GRM3: variants seen among roughly 807,000 people sequenced by gnomAD.
GRM3 encodes metabotropic glutamate receptor 3.
Under a neutral mutation model 70.5 loss-of-function variants are expected in GRM3, and 26 were observed. The ratio of observed to expected loss-of-function variants is 0.37; its 90% CI spans 0.27 to 0.51. GRM3 has a LOEUF of 0.51. Among genes scored for constraint, GRM3 ranks in the 20% least tolerant of loss-of-function variants. The probability of loss-of-function intolerance (pLI) is 0.93; values close to 1 mark genes in which losing one functional copy is unlikely to be tolerated. For missense variants in GRM3, 859 were observed against 1,123.8 expected (o/e 0.76, Z 3.37); for synonymous variants, 443 against 434.9 (o/e 1.02, Z -0.23).
intron 4 of GRM3, among the ~76,000 whole-genome samples, chr7:86,845,327 A>G (rs540883568): frequency 1.3e-5 from 2 of 152,300 alleles, no homozygotes; most frequent in African/African-American, 4.8e-5. Flanking sequence ...TATTGATCCT[A>G]TCCTTATTTA....
At chr7:86,772,223 T>G (rs941509869) in intron 2 of GRM3, among the ~76,000 whole-genome samples, 1 of 152,120 alleles carries the variant, frequency 6.6e-6, no homozygotes, top group South Asian at 2.1e-4. Context: ...TGATTACCTA[T>G]GTACAGTTGA....
At chr7:86,815,630 CTG>C (rs1362831353) in intron 3 of GRM3, among the ~76,000 whole-genome samples, 3 of 151,854 alleles carry the variant, frequency 2.0e-5, no homozygotes, top group Non-Finnish European at 4.4e-5. Flanking sequence ...TAGTCACAGG[CTG>C]TGTTTTACTA....
chr7:86,762,111 C>T (rs886669168), intron 1 of GRM3, among the ~76,000 whole-genome samples: 1 of 152,102 alleles, frequency 6.6e-6, no homozygotes, highest in Non-Finnish European at 1.5e-5. Context: ...ATAATGATCG[C>T]AGTGTCTTTT....
intron 1 of GRM3, among the ~76,000 whole-genome samples, chr7:86,693,260 A>G (rs1170226963): frequency 6.6e-6 from 1 of 152,158 alleles, no homozygotes; most frequent in Non-Finnish European, 1.5e-5. Flanking sequence ...AAATAAGGAG[A>G]CCATTTCTTC....
intron 1 of GRM3, among the ~76,000 whole-genome samples, chr7:86,714,151 T>C (rs1330122155): frequency 6.6e-6 from 1 of 152,040 alleles, no homozygotes; most frequent in African/African-American, 2.4e-5. Flanking sequence ...CATGCTCTCC[T>C]AGCTTTCTCC....
intron 1 of GRM3, among the ~76,000 whole-genome samples, chr7:86,698,594 C>T (rs1056315445): frequency 2.0e-5 from 3 of 148,360 alleles, no homozygotes; most frequent in Admixed American, 6.8e-5. Context: ...CACACACACA[C>T]ATATATATAA....
Position 86,720,634 on chromosome 7 carries a change from T to C in GRM3, c.-140-44372T>C, listed in dbSNP as rs143186488. 2.0e-5 allele frequency among the ~76,000 whole-genome samples: 3 copies of C among 152,238 alleles called. No individual in the cohort carries two copies. In the East Asian group the frequency reaches 5.8e-4, roughly 29 times the overall value. Reference sequence around the variant, plus strand: ...GAATTCATCTACCCTATACCCTTACTACTTATCCCCTTCTCAATTTTCATT... The same window carrying C: ...GAATTCATCTACCCTATACCCTTACCACTTATCCCCTTCTCAATTTTCATT... On this transcript the variant is annotated intron_variant, in intron 1 of 5. Coordinates refer to ENST00000361669, the MANE Select transcript of GRM3 (RefSeq NM_000840.3).
At chr7:86,743,372 C>A (rs1796031055) in intron 1 of GRM3, among the ~76,000 whole-genome samples, 1 of 152,012 alleles carries the variant, frequency 6.6e-6, no homozygotes, top group Non-Finnish European at 1.5e-5. Context: ...CTAAACAGCA[C>A]AATAAACATA....
chr7:86,767,356 T>C (rs1376287346), intron 2 of GRM3, among the ~76,000 whole-genome samples: 4 of 151,688 alleles, frequency 2.6e-5, no homozygotes. Context: ...GTAATTAGGA[T>C]AACTGGTTTT....
intron 3 of GRM3, among the ~76,000 whole-genome samples, chr7:86,797,179 C>T (rs915988756): frequency 6.6e-6 from 1 of 152,172 alleles, no homozygotes; most frequent in East Asian, 1.9e-4. Flanking sequence ...AATGTGGAAG[C>T]GACTTTGGAA....
intron 1 of GRM3, among the ~76,000 whole-genome samples, chr7:86,702,643 C>G (rs1053902285): frequency 6.6e-6 from 1 of 151,788 alleles, no homozygotes; most frequent in Non-Finnish European, 1.5e-5. Context: ...AAAATTTTAC[C>G]TTCTTTACAC....
chr7:86,657,807 CAT>C (rs146976279), intron 1 of GRM3, among the ~76,000 whole-genome samples: 3,711 of 152,198 alleles, frequency 0.024, 155 homozygotes, highest in African/African-American at 0.084. Context: ...ATCTAAAAGA[CAT>C]AAAGATGAAT....
intron 3 of GRM3, among the ~76,000 whole-genome samples, chr7:86,816,762 C>T (rs1798024801): frequency 6.6e-6 from 1 of 151,922 alleles, no homozygotes; most frequent in Admixed American, 6.6e-5. Flanking sequence ...CATATGCTTG[C>T]ATGTGCCTTT....
At chr7:86,773,047 A>G (rs1475121659) in intron 2 of GRM3, among the ~76,000 whole-genome samples, 1 of 151,878 alleles carries the variant, frequency 6.6e-6, no homozygotes, top group East Asian at 1.9e-4. Context: ...GGTTTGTTAC[A>G]TAGGTATATT....
intron 5 of GRM3, among the ~76,000 whole-genome samples, chr7:86,859,147 G>C (rs2115607046): frequency 6.6e-6 from 1 of 152,150 alleles, no homozygotes; most frequent in African/African-American, 2.4e-5. Context: ...TTTTAGAGAT[G>C]GGGTCTTGCT....
chr7:86,692,908 CATTTT>C (rs934981428), intron 1 of GRM3, among the ~76,000 whole-genome samples: 70 of 152,162 alleles, frequency 4.6e-4, no homozygotes, highest in African/African-American at 1.6e-3. Flanking sequence ...CATGAAAAGA[CATTTT>C]ATTTTGGAGA....
At position 86,813,020 on chromosome 7, in the gene GRM3, G is replaced by T. The variant is rs566359581; in HGVS notation, c.1325-25819G>T. On this transcript the variant is annotated intron_variant, in intron 3 of 5. Coordinates refer to ENST00000361669, the MANE Select transcript of GRM3 (RefSeq NM_000840.3). ...CTTTAGAGATATAATATGATTGAGA[G>T]AATGATGTCTAGTCACAGTGCCCCT... 3.1e-4 allele frequency among the ~76,000 whole-genome samples: 47 copies of T among 151,784 alleles called. 1 individual carries two copies. Among genetic ancestry groups the T allele is most frequent in the Admixed American group, 5.9e-4 (9 of 15,208 alleles).
chr7:86,831,400 A>G (rs1798349357), intron 3 of GRM3, among the ~76,000 whole-genome samples: 1 of 152,186 alleles, frequency 6.6e-6, no homozygotes, highest in African/African-American at 2.4e-5. Context: ...TACACTGTGT[A>G]ATGAAGAGGG....
At chr7:86,774,383 C>T (rs1260653010) in intron 2 of GRM3, among the ~76,000 whole-genome samples, 1 of 152,046 alleles carries the variant, frequency 6.6e-6, no homozygotes, top group East Asian at 1.9e-4. Context: ...AAACTCCAAA[C>T]AAACGATCCT....
Sources: allele counts gnomAD v4.1 joint callset (sites outside exome capture counted in the v4.1 genomes callset), GRCh38; gene constraint gnomAD v4.1.1; transcripts MANE v1.5; gene names NCBI Gene and HGNC (gene_info 2026-07-23, HGNC 2026-07-21).